The following EBF3 variants were observed in gnomAD, a reference collection of about 807,000 sequenced individuals.
EBF3 encodes the protein EBF transcription factor 3, also known as transcription factor COE3.
In EBF3, 18 loss-of-function variants were observed where a neutral mutation model predicts 77.1. The ratio of observed to expected loss-of-function variants is 0.23; its 90% CI spans 0.16 to 0.35. EBF3 has a LOEUF of 0.35. Ranked by LOEUF, EBF3 falls within the 10% of genes least tolerant of loss-of-function variation. EBF3 has a pLI of 1.00. For synonymous variants in EBF3, 350 were observed against 343.5 expected, an observed-to-expected ratio of 1.02 and a Z score of -0.21; for missense variants, 558 against 860.0, an observed-to-expected ratio of 0.65 and a Z score of 4.39.
chr10:129,895,434 C>T (rs1854302790), intron 6 of EBF3, among the ~76,000 whole-genome samples: 1 of 152,252 alleles, frequency 6.6e-6, no homozygotes, highest in Non-Finnish European at 1.5e-5. Flanking sequence ...CCACACTGAG[C>T]TGGGCTGCGG....
At chr10:129,888,762 T>C (rs541394933) in intron 6 of EBF3, among the ~76,000 whole-genome samples, 1 of 152,344 alleles carries the variant, frequency 6.6e-6, no homozygotes, top group Admixed American at 6.5e-5. Flanking sequence ...TGAAGAACAT[T>C]TGGCAACAGT....
intron 10 of EBF3, among the ~76,000 whole-genome samples, chr10:129,858,563 C>G (rs765400039): frequency 1.3e-5 from 2 of 152,184 alleles, no homozygotes; most frequent in Non-Finnish European, 2.9e-5. Context: ...CATCAACAAG[C>G]ATCTGACTGA....
chr10:129,898,169 G>A (rs1362448348), intron 6 of EBF3, among the ~76,000 whole-genome samples: 1 of 152,228 alleles, frequency 6.6e-6, no homozygotes, highest in Non-Finnish European at 1.5e-5. Context: ...CAACAGTACA[G>A]AAGCAAGAGA....
rs749639820 is a variant in EBF3, at chr10:129,840,375, G to A, written c.1629C>T (p.His543=). ...TGGCAGGTGAGAATGAGAAAATGCC[G>A]TGTGTGCTGCTACAGTTTGAAGGGA... ...VTLPSNCSST[H]GIFSFSPANV... Residue 543 remains histidine (H), a synonymous_variant, in exon 15 of 17, where the codon CAC becomes CAT. Transcript: ENST00000440978. The A allele has an allele frequency of 1.7e-5, 26 of 1,557,052 alleles. No homozygotes were observed. Among genetic ancestry groups the A allele is most frequent in the African/African-American group, 6.8e-5 (5 of 73,584 alleles).
At position 129,867,893 on chromosome 10, in the gene EBF3, G is replaced by A. The variant is rs1375340196; in HGVS notation, c.801C>T (p.Ala267=). ...YLENATPCIK[A]ISPSEGWTTG... is the part of the protein sequence containing the mutation. ...TGGTCCAGCCTTCACTGGGACTGATGGCCTTGATGCACGGAGTGGCTGCTC... is the reference window on the plus strand; with the variant it reads ...TGGTCCAGCCTTCACTGGGACTGATAGCCTTGATGCACGGAGTGGCTGCTC... Residue 267 remains alanine, a synonymous_variant, in exon 9 of 17, where the codon GCC becomes GCT. Transcript: ENST00000440978. The A allele has an allele frequency of 6.2e-7, 1 of 1,614,074 alleles. No individual in the cohort carries two copies. The highest frequency in any genetic ancestry group is 8.5e-7 in the Non-Finnish European group (1 of 1,180,036).
chr10:129,927,099 C>A (rs1333341152), intron 6 of EBF3, among the ~76,000 whole-genome samples: 1 of 152,178 alleles, frequency 6.6e-6, no homozygotes, highest in Admixed American at 6.5e-5. Flanking sequence ...GCCTGAAGAG[C>A]CACTGCCAGT....
intron 8 of EBF3, among the ~76,000 whole-genome samples, chr10:129,872,148 GCCCC>G (rs1178540794): frequency 7.2e-5 from 11 of 152,190 alleles, no homozygotes. Context: ...GGCTGGGGAG[GCCCC>G]TTGAACCTAT....
intron 6 of EBF3, among the ~76,000 whole-genome samples, chr10:129,939,097 A>T (rs72837187): frequency 0.015 from 2,350 of 152,250 alleles, 29 homozygotes; most frequent in Middle Eastern, 0.048. Flanking sequence ...AATCCCACCC[A>T]CCCAGAAGGT....
intron 6 of EBF3, among the ~76,000 whole-genome samples, chr10:129,953,925 G>A (rs1408353105): frequency 1.3e-5 from 2 of 152,228 alleles, no homozygotes; most frequent in African/African-American, 4.8e-5. Context: ...TGGAATGCAC[G>A]GGTGAAACAG....
intron 7 of EBF3, among the ~76,000 whole-genome samples, chr10:129,875,184 C>CTTTTTTTTTTTTTT (rs1564846069): frequency 8.5e-6 from 1 of 117,624 alleles, no homozygotes; most frequent in African/African-American, 3.3e-5. Context: ...GTGATGGCTT[C>CTTTTTTTTTTTTTT]TTCTTTTTTT....
intron 6 of EBF3, among the ~76,000 whole-genome samples, chr10:129,895,447 C>T (rs1039963763): frequency 5.3e-5 from 8 of 152,234 alleles, no homozygotes; most frequent in African/African-American, 1.9e-4. Flanking sequence ...GGCTGCGGCC[C>T]AGCTACTGGA....
chr10:129,912,039 C>T (rs1855561140), intron 6 of EBF3, among the ~76,000 whole-genome samples: 1 of 152,172 alleles, frequency 6.6e-6, no homozygotes, highest in African/African-American at 2.4e-5. Flanking sequence ...CGTGGGACTC[C>T]CCGTGAAGGA....
At position 129,897,047 on chromosome 10, in the gene EBF3, C is replaced by T. The variant is rs1317967213; in HGVS notation, c.555-19198G>A. On this transcript the variant is annotated intron_variant, in intron 6 of 16. Transcript: ENST00000440978. This position sits in a 1 kb window ranked among gnomAD's most constrained non-coding sequence, Gnocchi z 4.6. Reference sequence around the variant, plus strand: ...GGACAGGCACCGCCAGCCTGATTGCCAGCCATGGCCATCTCACTGCAGGCA... The same window carrying T: ...GGACAGGCACCGCCAGCCTGATTGCTAGCCATGGCCATCTCACTGCAGGCA... Among the ~76,000 whole-genome samples, 1 of 152,244 alleles carries T rather than the reference C, an allele frequency of 6.6e-6. No individual in the cohort carries two copies. Among genetic ancestry groups the T allele is most frequent in the Non-Finnish European group, 1.5e-5 (1 of 68,048 alleles).
chr10:129,873,712 C>T, intron 7 of EBF3, 116 bp from the exon 8 acceptor site: 1 of 1,153,586 alleles, frequency 8.7e-7, no homozygotes, highest in Non-Finnish European at 1.1e-6. Flanking sequence ...TCACGTGTTC[C>T]TGGACACTGT....
chr10:129,941,800 G>A (rs1327175558), intron 6 of EBF3, among the ~76,000 whole-genome samples: 1 of 152,210 alleles, frequency 6.6e-6, no homozygotes, highest in Non-Finnish European at 1.5e-5. Flanking sequence ...TGCAGTGCCA[G>A]GCCTGGGTGG....
chr10:129,882,614 C>A, intron 6 of EBF3, among the ~76,000 whole-genome samples: 1 of 152,224 alleles, frequency 6.6e-6, no homozygotes, highest in East Asian at 1.9e-4. Context: ...CCTGCAAAAC[C>A]TGTAAAGGGG....
rs59333543 is a variant in EBF3, at chr10:129,943,189, T to C, written c.554+14069A>G. On this transcript the variant is annotated intron_variant, in intron 6 of 16. Transcript: ENST00000440978. This position sits in a 1 kb window ranked among gnomAD's most constrained non-coding sequence, Gnocchi z 8.8. ...CAGAGAGCTGCCAGGCAGCTCTTCATTGGGGCCAGGCCTGACCCGGCCTTC... is the reference window on the plus strand; with the variant it reads ...CAGAGAGCTGCCAGGCAGCTCTTCACTGGGGCCAGGCCTGACCCGGCCTTC... Among the ~76,000 whole-genome samples, 8,515 of 152,280 alleles carry C rather than the reference T, an allele frequency of 0.056. 553 individuals are homozygous for C. Among genetic ancestry groups the C allele is most frequent in the African/African-American group, 0.16 (6,481 of 41,540 alleles).
intron 6 of EBF3, among the ~76,000 whole-genome samples, chr10:129,922,819 AG>A (rs1308206591): frequency 3.9e-5 from 6 of 152,140 alleles, no homozygotes; most frequent in Non-Finnish European, 7.4e-5. Flanking sequence ...GCACACAGCC[AG>A]GGGGCTGAAG....
intron 10 of EBF3, among the ~76,000 whole-genome samples, chr10:129,850,476 C>CA (rs1231293338): frequency 3.3e-5 from 5 of 152,178 alleles, no homozygotes; most frequent in Non-Finnish European, 7.3e-5. Context: ...GTCTTGAAAG[C>CA]AATGCCAAGA....
Sources: allele counts gnomAD v4.1 joint callset (sites outside exome capture counted in the v4.1 genomes callset), GRCh38; gene constraint gnomAD v4.1.1; non-coding constraint Gnocchi (gnomAD v3.1); transcripts MANE v1.5; gene names NCBI Gene and HGNC (gene_info 2026-07-23, HGNC 2026-07-21).